Variants in PODXL observed in about 807,000 individuals in gnomAD.
PODXL encodes podocalyxin.
Under a neutral mutation model 48.9 loss-of-function variants are expected in PODXL, and 20 were observed. That is an observed-to-expected ratio of 0.41 (90% confidence interval 0.29 to 0.59). The LOEUF is 0.59. Among genes scored for constraint, PODXL ranks in the 20% least tolerant of loss-of-function variants. The pLI is 0.31. For missense variants in PODXL, 606 were observed against 675.1 expected, an observed-to-expected ratio of 0.90 and a Z score of 1.13; for synonymous variants, 295 against 287.4, an observed-to-expected ratio of 1.03 and a Z score of -0.27.
chr7:131,536,129 C>T (rs1798370352), intron 1 of PODXL, among the ~76,000 whole-genome samples: 2 of 152,144 alleles, frequency 1.3e-5, no homozygotes, highest in South Asian at 4.1e-4. Context: ...ACAAGTGTCA[C>T]TTGTACTAGC....
Position 131,501,808 on chromosome 7 carries a change from TA to T in PODXL, c.*2502del, listed in dbSNP as rs1797707890. On this transcript the variant is annotated 3_prime_UTR_variant, in exon 9 of 9. Coordinates refer to ENST00000378555, the MANE Select transcript of PODXL (RefSeq NM_001018111.3). Reference sequence around the variant, plus strand: ...AAAGGTGGCAGAAGATGATGACCTTTATAGATGCATGGCTGTTTGGCCTGTT... The same window carrying T: ...AAAGGTGGCAGAAGATGATGACCTTTTAGATGCATGGCTGTTTGGCCTGTT... 1 of 152,262 alleles carries T rather than the reference TA, an allele frequency of 6.6e-6. No homozygotes were observed. Among genetic ancestry groups the T allele is most frequent in the Non-Finnish European group, 1.5e-5 (1 of 68,084 alleles). The allele number at this position is 152,262 out of a possible 1,614,324, so 9.4% of individuals were successfully genotyped here.
chr7:131,510,185 A>ATAAG lies in PODXL; in HGVS notation c.802+47_802+50dup, dbSNP rs906509990. 6.3e-5 allele frequency: 28 copies of ATAAG among 446,464 alleles called. 1 individual carries two copies. Among genetic ancestry groups the ATAAG allele is most frequent in the African/African-American group, 3.0e-4 (15 of 49,342 alleles). The allele number at this position is 446,464 out of a possible 1,614,324, so 27.7% of individuals were successfully genotyped here. A position where few individuals can be genotyped will look rare whatever the true frequency, so the allele number is the denominator to read the frequency against. Reference sequence around the variant, plus strand: ...AGGTTAAGACAAGCTCTTATAAATAATAAGTAAGTAAGTAAGTAAACAGGT... The same window carrying ATAAG: ...AGGTTAAGACAAGCTCTTATAAATAATAAGTAAGTAAGTAAGTAAGTAAACAGGT... On this transcript the variant is annotated intron_variant, in intron 3 of 8. Coordinates refer to ENST00000378555, the MANE Select transcript of PODXL (RefSeq NM_001018111.3).
At chr7:131,551,510 T>C (rs1039773624) in intron 1 of PODXL, among the ~76,000 whole-genome samples, 3 of 152,224 alleles carry the variant, frequency 2.0e-5, no homozygotes, top group Non-Finnish European at 4.4e-5. Context: ...AAGCTTGCAT[T>C]CAGCAGCCCT....
intron 1 of PODXL, among the ~76,000 whole-genome samples, chr7:131,534,732 G>A (rs758735484): frequency 3.9e-5 from 6 of 152,192 alleles, no homozygotes; most frequent in Non-Finnish European, 7.3e-5. Context: ...AGAAGGCAGG[G>A]AACTCAAATG....
chr7:131,541,799 C>T (rs370445487), intron 1 of PODXL, among the ~76,000 whole-genome samples: 1 of 152,152 alleles, frequency 6.6e-6, no homozygotes, highest in Admixed American at 6.5e-5. Flanking sequence ...TAAACAAAGC[C>T]AAGTCATCAT....
In PODXL at chr7:131,510,335, GAAAAAAAAA is replaced by G. The variant is rs56367324; in HGVS notation, c.707-13_707-5del. ...ACATGGTGAAACACTGTCTCTACTTGAAAAAAAAAAAAAAAAAAAAAAAAAAATTAGCTG... is the reference window on the plus strand; with the variant it reads ...ACATGGTGAAACACTGTCTCTACTTGAAAAAAAAAAAAAAAAAATTAGCTG... On this transcript the variant is annotated splice_region_variant and splice_polypyrimidine_tract_variant and intron_variant, in intron 2 of 8. Transcript: ENST00000378555. 2.6e-3 allele frequency: 211 copies of G among 80,042 alleles called. 1 individual carries two copies. The highest frequency in any genetic ancestry group is 0.014 in the African/African-American group (150 of 10,978). 5.0% of individuals were successfully genotyped at this position (80,042 alleles called of 1,614,324 possible). A position where few individuals can be genotyped will look rare whatever the true frequency, so the allele number is the denominator to read the frequency against.
chr7:131,513,156 A>G lies in PODXL; in HGVS notation c.101-1723T>C, dbSNP rs1584811979. Among the ~76,000 whole-genome samples the G allele has an allele frequency of 2.0e-5, 3 of 152,220 alleles. No homozygotes were observed. In the South Asian group the frequency reaches 6.2e-4, roughly 32 times the overall value. On this transcript the variant is annotated intron_variant, in intron 1 of 8. Coordinates refer to ENST00000378555, the MANE Select transcript of PODXL (RefSeq NM_001018111.3). The stretch of plus-strand genomic sequence containing the variant: ...AGTTTTATAGGATGACTTACAGAGA[A>G]ACCTGTTCCTGCTGCTTTGGGGAAT...
chr7:131,540,817 C>T (rs74555792), intron 1 of PODXL, among the ~76,000 whole-genome samples: 1,839 of 152,298 alleles, frequency 0.012, 39 homozygotes, highest in African/African-American at 0.039. Flanking sequence ...CAAACAAGGG[C>T]CCCGAGCCAG....
Position 131,528,499 on chromosome 7 carries a change from C to G in PODXL, c.101-17066G>C, listed in dbSNP as rs114423265. On this transcript the variant is annotated intron_variant, in intron 1 of 8. Transcript: ENST00000378555. The stretch of plus-strand genomic sequence containing the variant: ...GCAGCTGGATCCAGCCCCTGAGTTC[C>G]TGATTCAGCAGGCCTGGGATGTGAA... Among the ~76,000 whole-genome samples the G allele has an allele frequency of 2.5e-3, 375 of 152,320 alleles. 1 individual carries two copies. The highest frequency in any genetic ancestry group is 8.8e-3 in the African/African-American group (365 of 41,558).
chr7:131,511,142 G>C lies in PODXL; in HGVS notation c.392C>G (p.Thr131Ser). 6.2e-7 allele frequency: 1 copy of C among 1,613,920 alleles called. No individual in the cohort carries two copies. The change falls in exon 2 of 9, where the codon ACC becomes AGC. Residue 131 changes from threonine (T) to serine (S), a missense_variant. Thr to Ser is a moderately conservative substitution (Grantham distance 58). Transcript: ENST00000378555. ...ESPKSTKSADTTTVATSTATA... is the reference protein window; with the variant it reads ...ESPKSTKSADSTTVATSTATA... ...GGCTGTGGAGGTTGCAACTGTAGTGGTGTCTGCACTTTTTGTGCTCTTGGG... is the reference window on the plus strand; with the variant it reads ...GGCTGTGGAGGTTGCAACTGTAGTGCTGTCTGCACTTTTTGTGCTCTTGGG...
At position 131,506,685 on chromosome 7, in the gene PODXL, GCATATCAGTGAGATCAA is replaced by G; in HGVS notation, c.1126_1142del (p.Leu376ProfsTer13). 1 of 1,614,172 alleles carries G rather than the reference GCATATCAGTGAGATCAA, an allele frequency of 6.2e-7. No individual in the cohort carries two copies. On this transcript the variant is annotated frameshift_variant, in exon 6 of 9. Transcript: ENST00000378555. LOFTEE classifies it high-confidence loss of function. ...GGTTGAAGGTGGCTTTGACTGCTCG[GCATATCAGTGAGATCAA>G]TTTCTCATCCGAAGCGCCCCCTGCC...
At position 131,556,607 on chromosome 7, in the gene PODXL, T is replaced by G. The variant is rs1192157625; in HGVS notation, c.-248A>C. 3 of 290,108 alleles carry G rather than the reference T, an allele frequency of 1.0e-5. No individual in the cohort carries two copies. Among genetic ancestry groups the G allele is most frequent in the Non-Finnish European group, 1.8e-5 (3 of 164,522 alleles). 18.0% of individuals were successfully genotyped at this position (290,108 alleles called of 1,614,324 possible). A position where few individuals can be genotyped will look rare whatever the true frequency, so the allele number is the denominator to read the frequency against. ...GGCGGCGGCTGCGTCCTGGGCGGCG[T>G]CTGCGCGGCTGCGGCCCCACTGGCG... On this transcript the variant is annotated 5_prime_UTR_variant, in exon 1 of 9. Transcript: ENST00000378555.
rs2116773506 is a variant in PODXL, at chr7:131,504,400, G to A, written c.1588C>T (p.Leu530Phe). 1 of 1,614,188 alleles carries A rather than the reference G, an allele frequency of 6.2e-7. No homozygotes were observed. Among genetic ancestry groups the A allele is most frequent in the Non-Finnish European group, 8.5e-7 (1 of 1,180,032 alleles). The change falls in exon 9 of 9, where the codon CTC (leucine) becomes TTC (phenylalanine). Residue 530 changes from leucine (L) to phenylalanine (F), a missense_variant. Physicochemically the swap from Leu to Phe is conservative, Grantham distance 22. Coordinates refer to ENST00000378555, the MANE Select transcript of PODXL (RefSeq NM_001018111.3). ...SEMQEKKVVS[L>F]NGELGDSWIV... ...CAGCTGTCCCCCAGCTCCCCGTTGA[G>A]GCTGACCACCTTCTTCTCCTGCATC...
rs774316946 is a variant in PODXL, at chr7:131,500,654, C to CTT, written c.*3655_*3656dup. On this transcript the variant is annotated 3_prime_UTR_variant, in exon 9 of 9. Transcript: ENST00000378555. ...TCCATATATAAAAGCTCATCCAAAA[C>CTT]TTTGTTTCTTGGCAGAAAGAAAGAA... The CTT allele has an allele frequency of 2.6e-5, 4 of 152,216 alleles. No individual in the cohort carries two copies. Among genetic ancestry groups the CTT allele is most frequent in the Admixed American group, 6.5e-5 (1 of 15,276 alleles). The allele number at this position is 152,216 out of a possible 1,614,324, so 9.4% of individuals were successfully genotyped here.
chr7:131,505,814 G>C, intron 8 of PODXL, 54 bp downstream of exon 8: 1 of 1,483,768 alleles, frequency 6.7e-7, no homozygotes, highest in Non-Finnish European at 9.0e-7. Flanking sequence ...CGAGGGGAGG[G>C]TTCCTCTGGT....
intron 8 of PODXL, among the ~76,000 whole-genome samples, chr7:131,505,428 C>G (rs1298307081): frequency 1.3e-5 from 2 of 152,088 alleles, no homozygotes; most frequent in Non-Finnish European, 2.9e-5. Flanking sequence ...AGGCGGATTG[C>G]TTGAGGTCAG....
intron 8 of PODXL, among the ~76,000 whole-genome samples, chr7:131,505,641 AAAAT>A (rs1797784924): frequency 6.6e-6 from 1 of 152,272 alleles, no homozygotes; most frequent in South Asian, 2.1e-4. Flanking sequence ...AATAAAATAA[AAAAT>A]AAATAAGTCT....
chr7:131,552,600 C>G (rs1314827691), intron 1 of PODXL, among the ~76,000 whole-genome samples: 1 of 152,194 alleles, frequency 6.6e-6, no homozygotes, highest in Non-Finnish European at 1.5e-5. Flanking sequence ...GGCCACGCTC[C>G]CCTCCTCAGC....
intron 1 of PODXL, among the ~76,000 whole-genome samples, chr7:131,532,420 A>G (rs1798295195): frequency 6.7e-6 from 1 of 150,114 alleles, no homozygotes; most frequent in Non-Finnish European, 1.5e-5. Context: ...TGGGCGACAA[A>G]GCAAGACTCC....
Sources: allele counts gnomAD v4.1 joint callset (sites outside exome capture counted in the v4.1 genomes callset), GRCh38; gene constraint gnomAD v4.1.1; transcripts MANE v1.5; gene names NCBI Gene and HGNC (gene_info 2026-07-23, HGNC 2026-07-21).